NRXN1: variants seen among roughly 807,000 people sequenced by gnomAD.
The protein encoded by NRXN1 is neurexin 1.
In NRXN1, 39 loss-of-function variants were observed where a neutral mutation model predicts 150.9. The observed-to-expected ratio is 0.26, with a 90% CI of 0.20 to 0.34. NRXN1 has a LOEUF of 0.34. Among genes scored for constraint, NRXN1 ranks in the 10% least tolerant of loss-of-function variants. The pLI is 1.00. For missense variants in NRXN1, 1,815 were observed against 1,949.9 expected (o/e 0.93, Z 1.30); for synonymous variants, 924 against 757.0 (o/e 1.22, Z -3.62).
At chr2:50,709,230 A>AT (rs1694828245) in intron 5 of NRXN1, among the ~76,000 whole-genome samples, 1 of 152,148 alleles carries the variant, frequency 6.6e-6, no homozygotes, top group African/African-American at 2.4e-5. Flanking sequence ...ACAAATACTT[A>AT]TTGAACACCT....
intron 5 of NRXN1, among the ~76,000 whole-genome samples, chr2:50,783,460 T>G (rs962940627): frequency 6.6e-6 from 1 of 152,168 alleles, no homozygotes; most frequent in African/African-American, 2.4e-5. Flanking sequence ...GTATCCTGGC[T>G]ATGTCCATGT....
At chr2:50,389,368 A>T (rs554363551) in intron 17 of NRXN1, among the ~76,000 whole-genome samples, 1 of 150,796 alleles carries the variant, frequency 6.6e-6, no homozygotes, top group African/African-American at 2.4e-5. Flanking sequence ...ACATAGAGAA[A>T]GAAAGTTAGA....
intron 5 of NRXN1, among the ~76,000 whole-genome samples, chr2:50,708,337 A>C (rs901291892): frequency 1.3e-5 from 2 of 152,208 alleles, no homozygotes; most frequent in East Asian, 3.8e-4. Context: ...TGCACAGGTT[A>C]ACTGAATTGT....
intron 21 of NRXN1, among the ~76,000 whole-genome samples, chr2:49,947,361 A>G (rs1487453132): frequency 6.6e-6 from 1 of 151,958 alleles, no homozygotes; most frequent in African/African-American, 2.4e-5. Flanking sequence ...TCCTTCCTCC[A>G]CCTGGAGGCA....
chr2:50,377,584 A>G (rs1314021606), intron 17 of NRXN1, among the ~76,000 whole-genome samples: 1 of 152,140 alleles, frequency 6.6e-6, no homozygotes, highest in Non-Finnish European at 1.5e-5. Flanking sequence ...TTGATCTCCA[A>G]AGTGCCCACA....
At chr2:50,125,594 C>A (rs1374181748) in intron 18 of NRXN1, among the ~76,000 whole-genome samples, 2 of 151,992 alleles carry the variant, frequency 1.3e-5, no homozygotes, top group Non-Finnish European at 2.9e-5. Context: ...ATCACGTTTC[C>A]TTCCATAAAA....
At chr2:50,297,137 C>A (rs1224220880) in intron 17 of NRXN1, among the ~76,000 whole-genome samples, 4 of 152,132 alleles carry the variant, frequency 2.6e-5, no homozygotes, top group African/African-American at 9.7e-5. Context: ...GATGCACCCG[C>A]CTCAGCCTCC....
At chr2:50,850,685 G>A (rs1674388261) in intron 5 of NRXN1, among the ~76,000 whole-genome samples, 1 of 151,734 alleles carries the variant, frequency 6.6e-6, no homozygotes, top group Non-Finnish European at 1.5e-5. Context: ...TTTATTATTT[G>A]GTAAGTAAAC....
At chr2:50,011,355 C>G (rs1438727278) in intron 21 of NRXN1, among the ~76,000 whole-genome samples, 2 of 152,018 alleles carry the variant, frequency 1.3e-5, no homozygotes, top group South Asian at 2.1e-4. Context: ...TTTTAATGAC[C>G]AATTAATTCA....
rs556595166 is a variant in NRXN1 at position 50,182,047 on chromosome 2, C to T, written c.3546+54742G>A. Among the ~76,000 whole-genome samples the T allele has an allele frequency of 2.0e-5, 3 of 150,894 alleles. No individual in the cohort carries two copies. The South Asian group carries it at 6.3e-4, about 32-fold the overall frequency. On this transcript the variant is annotated intron_variant, in intron 18 of 22. Transcript: ENST00000401669. ...TCAAGGGAAAGGAAAAAAAAAATGC[C>T]TTCACATTCCTAATTATTTTGAAAT... is the stretch of plus-strand genomic sequence containing the variant.
At chr2:50,408,530 G>C (rs1278778402) in intron 17 of NRXN1, among the ~76,000 whole-genome samples, 1 of 152,124 alleles carries the variant, frequency 6.6e-6, no homozygotes, top group Non-Finnish European at 1.5e-5. Context: ...TGCTTACTTG[G>C]TGCTTTTAAA....
chr2:50,951,812 C>G (rs988021248), intron 2 of NRXN1, among the ~76,000 whole-genome samples: 1 of 151,206 alleles, frequency 6.6e-6, no homozygotes, highest in Non-Finnish European at 1.5e-5. Context: ...CATATTTTTC[C>G]TTCATATTAC....
intron 12 of NRXN1, among the ~76,000 whole-genome samples, chr2:50,526,309 T>G (rs556446521): frequency 6.6e-6 from 1 of 152,346 alleles, no homozygotes; most frequent in African/African-American, 2.4e-5. Flanking sequence ...AATTGAGGTA[T>G]TTCATATTAA....
Position 50,950,752 on chromosome 2 carries a change from T to C in NRXN1, c.773-24797A>G, listed in dbSNP as rs187860718. 7.9e-5 allele frequency among the ~76,000 whole-genome samples: 12 copies of C among 152,346 alleles called. No individual in the cohort carries two copies. In the Middle Eastern group the frequency reaches 0.017, roughly 216 times the overall value. ...GGTAATAATAAGCAGTCACACAGAA[T>C]GTGAGTGTAAGCGCTAGGGTCCATG... On this transcript the variant is annotated intron_variant, in intron 2 of 22. Transcript: ENST00000401669.
At chr2:50,944,719 A>G (rs1324656974) in intron 2 of NRXN1, among the ~76,000 whole-genome samples, 2 of 152,174 alleles carry the variant, frequency 1.3e-5, no homozygotes, top group Non-Finnish European at 1.5e-5. Context: ...TTCATGAGTC[A>G]AATTCCTGTT....
At chr2:50,368,561 T>C (rs2079774254) in intron 17 of NRXN1, among the ~76,000 whole-genome samples, 1 of 151,998 alleles carries the variant, frequency 6.6e-6, no homozygotes, top group Non-Finnish European at 1.5e-5. Context: ...ATGAGGTATG[T>C]TGGACATGCC....
chr2:50,009,345 T>C (rs1685273336), intron 21 of NRXN1, among the ~76,000 whole-genome samples: 1 of 152,120 alleles, frequency 6.6e-6, no homozygotes, highest in African/African-American at 2.4e-5. Flanking sequence ...AAGATGGTAT[T>C]TTCCAATTCC....
chr2:50,623,253 C>CCA, intron 6 of NRXN1, 61 bp downstream of exon 6: 3 of 1,356,256 alleles, frequency 2.2e-6, no homozygotes, highest in East Asian at 4.7e-5. Flanking sequence ...TATTTAAGTA[C>CCA]CACACACACA....
intron 17 of NRXN1, among the ~76,000 whole-genome samples, chr2:50,402,206 T>C (rs968863806): frequency 6.6e-6 from 1 of 152,150 alleles, no homozygotes; most frequent in Non-Finnish European, 1.5e-5. Flanking sequence ...GGGATCAAAG[T>C]AACTGAGCCT....
Sources: gnomAD v4.1 joint callset for allele counts (sites outside exome capture counted in the v4.1 genomes callset) on GRCh38, gnomAD v4.1.1 for gene constraint, MANE v1.5 for transcripts, NCBI Gene and HGNC (gene_info 2026-07-23, HGNC 2026-07-21) for gene names.